AGBL1: variants seen among roughly 807,000 people sequenced by gnomAD.
AGBL1 encodes cytosolic carboxypeptidase 4.
Under a neutral mutation model 118.9 loss-of-function variants are expected in AGBL1, and 130 were observed. That is an observed-to-expected ratio of 1.09 (90% CI 0.95 to 1.26). AGBL1 has a LOEUF of 1.26. Among genes scored for constraint, AGBL1 ranks in the 50% most tolerant of loss-of-function variants. The pLI, the probability that AGBL1 is intolerant of heterozygous loss-of-function variation, is 0.00. For synonymous variants in AGBL1, 555 were observed against 478.9 expected (o/e 1.16, Z -2.08); for missense variants, 1,584 against 1,298.1 (o/e 1.22, Z -3.38).
At chr15:86,751,965 C>T (rs2077860886) in intron 22 of AGBL1, among the ~76,000 whole-genome samples, 1 of 152,086 alleles carries the variant, frequency 6.6e-6, no homozygotes, top group Admixed American at 6.6e-5. Flanking sequence ...TTACAAACCA[C>T]CCTCAATCTA....
At chr15:86,364,958 C>CACATATATAT (rs1474501613) in intron 17 of AGBL1, among the ~76,000 whole-genome samples, 2 of 76,138 alleles carry the variant, frequency 2.6e-5, no homozygotes, top group South Asian at 4.5e-4. Flanking sequence ...ATATGTCACA[C>CACATATATAT]ATATATATAT....
chr15:86,139,541 G>T (rs1405848978), intron 1 of AGBL1, among the ~76,000 whole-genome samples: 1 of 151,984 alleles, frequency 6.6e-6, no homozygotes, highest in Non-Finnish European at 1.5e-5. Context: ...CCTTTGGGAG[G>T]CTGAGGCAGG....
chr15:86,116,117 T>C (rs1897741522), intron 1 of AGBL1, among the ~76,000 whole-genome samples: 1 of 152,218 alleles, frequency 6.6e-6, no homozygotes, highest in African/African-American at 2.4e-5. Flanking sequence ...TGTGCTATGT[T>C]ATTTGCATTT....
At chr15:86,277,571 C>T (rs781667977) in intron 15 of AGBL1, among the ~76,000 whole-genome samples, 1 of 152,144 alleles carries the variant, frequency 6.6e-6, no homozygotes, top group Non-Finnish European at 1.5e-5. Flanking sequence ...CTCTTTCTTG[C>T]TGTCTCCTGT....
intron 6 of AGBL1, among the ~76,000 whole-genome samples, chr15:86,244,633 C>T (rs1286032661): frequency 6.6e-6 from 1 of 152,006 alleles, no homozygotes; most frequent in African/African-American, 2.4e-5. Context: ...GGATTTTTCT[C>T]CCAGAAAATT....
intron 22 of AGBL1, among the ~76,000 whole-genome samples, chr15:86,843,914 C>A (rs1396517349): frequency 2.0e-5 from 3 of 152,092 alleles, no homozygotes; most frequent in African/African-American, 7.2e-5. Context: ...TTAGTCCCAG[C>A]CCAGACAACT....
intron 18 of AGBL1, among the ~76,000 whole-genome samples, chr15:86,522,049 C>T (rs1482382759): frequency 1.3e-5 from 2 of 152,160 alleles, no homozygotes; most frequent in East Asian, 3.9e-4. Flanking sequence ...CTCAGCATCT[C>T]AGTTTCCTCA....
At chr15:86,972,376 G>T (rs1266284920) in intron 23 of AGBL1, among the ~76,000 whole-genome samples, 2 of 152,030 alleles carry the variant, frequency 1.3e-5, no homozygotes, top group Non-Finnish European at 2.9e-5. Flanking sequence ...GGAAATAGTG[G>T]CACCTGTTGG....
chr15:86,434,884 G>A (rs1234919499), intron 18 of AGBL1, among the ~76,000 whole-genome samples: 1 of 152,202 alleles, frequency 6.6e-6, no homozygotes, highest in Non-Finnish European at 1.5e-5. Flanking sequence ...TAGAAGAAAT[G>A]AACACAACAT....
At chr15:86,314,984 G>A (rs1053276001) in intron 17 of AGBL1, among the ~76,000 whole-genome samples, 3 of 152,124 alleles carry the variant, frequency 2.0e-5, no homozygotes, top group Non-Finnish European at 2.9e-5. Context: ...CTGTAAATAG[G>A]GATAATATTC....
At chr15:86,148,378 A>G (rs2077060415) in intron 3 of AGBL1, among the ~76,000 whole-genome samples, 1 of 152,136 alleles carries the variant, frequency 6.6e-6, no homozygotes, top group Non-Finnish European at 1.5e-5. Flanking sequence ...GCTAATCTTG[A>G]AAAAAGATTA....
At position 86,776,783 on chromosome 15, in the gene AGBL1, TGTGTGTGA is replaced by T. The variant is rs1047591687; in HGVS notation, c.3158+102349_3158+102356del. On this transcript the variant is annotated intron_variant, in intron 22 of 22. Coordinates refer to ENST00000614907, the MANE Select transcript of AGBL1 (RefSeq NM_001386094.1). Reference sequence around the variant, plus strand: ...GTGTGTGTGTGTGTGTGTGTGTGTGTGTGTGTGAGAGAGAGAGAGAATTAAGGGGAATT... The same window carrying T: ...GTGTGTGTGTGTGTGTGTGTGTGTGTGAGAGAGAGAGAATTAAGGGGAATT... Among the ~76,000 whole-genome samples, 8 of 129,166 alleles carry T rather than the reference TGTGTGTGA, an allele frequency of 6.2e-5. 1 individual carries two copies. Among genetic ancestry groups the T allele is most frequent in the Middle Eastern group, 8.3e-3 (2 of 242 alleles). The allele number at this position is 129,166 out of a possible 152,430, so 84.7% of individuals were successfully genotyped here.
chr15:86,168,901 T>A (rs2077377520), intron 5 of AGBL1, among the ~76,000 whole-genome samples: 1 of 152,266 alleles, frequency 6.6e-6, no homozygotes, highest in Admixed American at 6.5e-5. Context: ...GTTTTTTATT[T>A]CCTCTTTGTG....
At chr15:86,492,710 A>G (rs1204711174) in intron 18 of AGBL1, among the ~76,000 whole-genome samples, 1 of 152,126 alleles carries the variant, frequency 6.6e-6, no homozygotes, top group Non-Finnish European at 1.5e-5. Context: ...GTGTGTTAAG[A>G]TAAAATAAAT....
intron 21 of AGBL1, among the ~76,000 whole-genome samples, chr15:86,557,008 C>T (rs541181063): frequency 6.6e-6 from 1 of 152,142 alleles, no homozygotes; most frequent in Non-Finnish European, 1.5e-5. Flanking sequence ...TAAGCTATTA[C>T]CTTAAAATAA....
chr15:86,729,095 G>C (rs1032054813), intron 22 of AGBL1, among the ~76,000 whole-genome samples: 2 of 152,106 alleles, frequency 1.3e-5, no homozygotes, highest in Non-Finnish European at 2.9e-5. Flanking sequence ...GAGTCTCCTA[G>C]GCCTGTAACC....
At chr15:86,518,631 A>C (rs904009901) in intron 18 of AGBL1, among the ~76,000 whole-genome samples, 2 of 152,166 alleles carry the variant, frequency 1.3e-5, no homozygotes, top group Admixed American at 1.3e-4. Flanking sequence ...CAAATGCCTG[A>C]AAAGAACAGA....
chr15:86,868,131 T>G (rs1035181005), intron 22 of AGBL1, among the ~76,000 whole-genome samples: 14 of 152,054 alleles, frequency 9.2e-5, no homozygotes, highest in African/African-American at 3.1e-4. Flanking sequence ...AAGTTGAACA[T>G]CGGTCATCAG....
intron 18 of AGBL1, among the ~76,000 whole-genome samples, chr15:86,488,230 A>C (rs2082736106): frequency 6.6e-6 from 1 of 152,022 alleles, no homozygotes; most frequent in Admixed American, 6.6e-5. Context: ...TGCAGCCAGG[A>C]TTCTGCAGCT....
Sources: gnomAD v4.1 joint callset for allele counts (sites outside exome capture counted in the v4.1 genomes callset) on GRCh38, gnomAD v4.1.1 for gene constraint, MANE v1.5 for transcripts, NCBI Gene and HGNC (gene_info 2026-07-23, HGNC 2026-07-21) for gene names.